ANKRD33B: variants seen among roughly 807,000 people sequenced by gnomAD.
The protein encoded by ANKRD33B is ankyrin repeat domain-containing protein 33B.
In ANKRD33B, 6 loss-of-function variants were observed where a neutral mutation model predicts 21.5. The ratio of observed to expected loss-of-function variants is 0.28; its 90% CI spans 0.15 to 0.55. The LOEUF is 0.55. Ranked by LOEUF, ANKRD33B falls within the 20% of genes least tolerant of loss-of-function variation. The probability of loss-of-function intolerance (pLI) is 0.94; values close to 1 mark genes in which losing one functional copy is unlikely to be tolerated. For synonymous variants in ANKRD33B, 347 were observed against 342.4 expected (o/e 1.01, Z -0.15); for missense variants, 698 against 747.2 (o/e 0.93, Z 0.77).
chr5:10,639,537 G>A (rs1464651170), intron 3 of ANKRD33B, among the ~76,000 whole-genome samples: 2 of 28,322 alleles, frequency 7.1e-5, no homozygotes, highest in East Asian at 1.5e-3. Context: ...GATGTTAGGC[G>A]GTGACGTGGA....
At chr5:10,613,063 A>G (rs1407692765) in intron 1 of ANKRD33B, among the ~76,000 whole-genome samples, 1 of 152,018 alleles carries the variant, frequency 6.6e-6, no homozygotes, top group African/African-American at 2.4e-5. Context: ...GGGCATCAGG[A>G]TGATGGCTCC....
At chr5:10,637,052 G>A (rs546947141) in intron 2 of ANKRD33B, among the ~76,000 whole-genome samples, 12 of 152,360 alleles carry the variant, frequency 7.9e-5, no homozygotes, top group Admixed American at 7.8e-4. Flanking sequence ...ACTGTGCCAA[G>A]GCTGGGACGG....
At chr5:10,609,681 G>T (rs1314934918) in intron 1 of ANKRD33B, among the ~76,000 whole-genome samples, 1 of 152,170 alleles carries the variant, frequency 6.6e-6, no homozygotes, top group African/African-American at 2.4e-5. Flanking sequence ...GGCTGAGGTG[G>T]GCAGATCATT....
At chr5:10,595,195 G>A (rs1012701878) in intron 1 of ANKRD33B, among the ~76,000 whole-genome samples, 5 of 152,170 alleles carry the variant, frequency 3.3e-5, no homozygotes, top group African/African-American at 7.2e-5. Context: ...GGAGGGAGGA[G>A]GCCAGGTGGA....
rs573294176 is a variant in ANKRD33B at position 10,595,382 on chromosome 5, T to G, written c.367-22951T>G. Among the ~76,000 whole-genome samples the G allele has an allele frequency of 6.7e-3, 1,017 of 152,294 alleles. 3 individuals are homozygous for G. Among genetic ancestry groups the G allele is most frequent in the Non-Finnish European group, 0.011 (728 of 68,012 alleles). On this transcript the variant is annotated intron_variant, in intron 1 of 3. Coordinates refer to ENST00000296657, the MANE Select transcript of ANKRD33B (RefSeq NM_001164440.2). Reference sequence around the variant, plus strand: ...GGTGACAGCAGGGCCACGCTCCCTCTGGCAGAGCTGGGAATTCTGCGGTCT... The same window carrying G: ...GGTGACAGCAGGGCCACGCTCCCTCGGGCAGAGCTGGGAATTCTGCGGTCT...
In ANKRD33B at chr5:10,649,353, T is replaced by G. The variant is rs543188983; in HGVS notation, c.725T>G (p.Leu242Arg). 1 of 1,535,498 alleles carries G rather than the reference T, an allele frequency of 6.5e-7. No individual in the cohort carries two copies. Among genetic ancestry groups the G allele is most frequent in the East Asian group, 2.4e-5 (1 of 40,904 alleles). ...TYTGRVDAVR[L>R]MQRLLERPCP... ...ACGGGCCGCGTGGATGCCGTCCGTC[T>G]CATGCAGAGGCTGCTGGAGCGCCCC... is the stretch of plus-strand genomic sequence containing the variant. Residue 242 changes from leucine to arginine, a missense_variant, in exon 4 of 4, where the codon CTC becomes CGC. Around this residue, in one of 3 missense-constraint regions of ANKRD33B, gnomAD observed 543 missense variants for 566.5 expected, o/e 0.96. Coordinates refer to ENST00000296657, the MANE Select transcript of ANKRD33B (RefSeq NM_001164440.2).
At chr5:10,618,170 C>T (rs777645882) in intron 1 of ANKRD33B, among the ~76,000 whole-genome samples, 163 bp from the exon 2 acceptor site, 62 of 152,140 alleles carry the variant, frequency 4.1e-4, no homozygotes, top group African/African-American at 1.5e-3. Flanking sequence ...AAGGATCGAG[C>T]GGCTGGCTCA....
At chr5:10,614,295 T>C (rs1736237484) in intron 1 of ANKRD33B, among the ~76,000 whole-genome samples, 1 of 152,222 alleles carries the variant, frequency 6.6e-6, no homozygotes, top group Non-Finnish European at 1.5e-5. Flanking sequence ...GATTTAAATA[T>C]CAGTCTCATT....
chr5:10,650,189 G>C lies in ANKRD33B; in HGVS notation c.*76G>C. 2.9e-6 allele frequency: 4 copies of C among 1,372,838 alleles called. No individual in the cohort carries two copies. The highest frequency in any genetic ancestry group is 3.8e-6 in the Non-Finnish European group (4 of 1,061,722). 85.0% of individuals were successfully genotyped at this position (1,372,838 alleles called of 1,614,324 possible). On this transcript the variant is annotated 3_prime_UTR_variant, in exon 4 of 4. Transcript: ENST00000296657. ...CAGGGCTGGGCGCGGAGAAGGAGGC[G>C]GCCCCGTTGCGCATCGCACCACTTC...
intron 2 of ANKRD33B, among the ~76,000 whole-genome samples, chr5:10,623,205 G>T (rs1736464316): frequency 6.6e-6 from 1 of 152,102 alleles, no homozygotes; most frequent in South Asian, 2.1e-4. Context: ...GGCATCAGTG[G>T]GTCTCAAAGC....
chr5:10,567,956 G>A (rs1241805799), intron 1 of ANKRD33B, among the ~76,000 whole-genome samples: 1 of 152,218 alleles, frequency 6.6e-6, no homozygotes, highest in African/African-American at 2.4e-5. Flanking sequence ...GATCTCTAAA[G>A]GCGTCTAAAC....
rs765486526 is a variant in ANKRD33B at position 10,576,860 on chromosome 5, A to G, written c.366+12027A>G. On this transcript the variant is annotated intron_variant, in intron 1 of 3. Transcript: ENST00000296657. The surrounding 1 kb of genome is among the most constrained non-coding windows in gnomAD (Gnocchi z 4.1). ...GCCAGTGCCATGGGGAGAAGCCCAG[A>G]AGAGAGCAGAGGAGGGTGCTGGGGC... Among the ~76,000 whole-genome samples the G allele has an allele frequency of 2.0e-5, 3 of 152,182 alleles. No individual in the cohort carries two copies. Among genetic ancestry groups the G allele is most frequent in the Non-Finnish European group, 4.4e-5 (3 of 68,028 alleles).
In ANKRD33B at chr5:10,649,884, C is replaced by T. The variant is rs1442618625; in HGVS notation, c.1256C>T (p.Pro419Leu). The T allele has an allele frequency of 6.7e-7, 1 of 1,503,498 alleles. No individual in the cohort carries two copies. Among genetic ancestry groups the T allele is most frequent in the African/African-American group, 1.4e-5 (1 of 69,340 alleles). 93.1% of individuals were successfully genotyped at this position (1,503,498 alleles called of 1,614,324 possible). ...CGCCTGCGGCGGAGAAGCGTGCGGCCCGGTGTGGTGGTGCCCCGGGTCCGA... is the reference window on the plus strand; with the variant it reads ...CGCCTGCGGCGGAGAAGCGTGCGGCTCGGTGTGGTGGTGCCCCGGGTCCGA... ...LQRLRRRSVR[P>L]GVVVPRVRVS... The change falls in exon 4 of 4, where the codon CCC (proline) becomes CTC (leucine). Residue 419 changes from proline to leucine, a missense_variant. Pro to Leu is a moderately conservative substitution (Grantham distance 98). Coordinates refer to ENST00000296657, the MANE Select transcript of ANKRD33B (RefSeq NM_001164440.2).
chr5:10,584,654 G>C (rs1735514923), intron 1 of ANKRD33B, among the ~76,000 whole-genome samples: 1 of 152,142 alleles, frequency 6.6e-6, no homozygotes, highest in South Asian at 2.1e-4. Context: ...TATTTATTTA[G>C]CAAATATTTA....
At chr5:10,570,942 G>T (rs1735170687) in intron 1 of ANKRD33B, among the ~76,000 whole-genome samples, 1 of 130,202 alleles carries the variant, frequency 7.7e-6, no homozygotes, top group African/African-American at 3.1e-5. Context: ...ACTCATTAAA[G>T]AAGAGAAAAC....
chr5:10,597,629 C>G (rs962829468), intron 1 of ANKRD33B, among the ~76,000 whole-genome samples: 1 of 152,116 alleles, frequency 6.6e-6, no homozygotes, highest in Admixed American at 6.5e-5. Flanking sequence ...ATTAGATCAT[C>G]AAGACAGAAA....
chr5:10,643,819 CAA>C (rs374365829), intron 3 of ANKRD33B, among the ~76,000 whole-genome samples: 3,166 of 89,438 alleles, frequency 0.035, 64 homozygotes, highest in African/African-American at 0.12. Flanking sequence ...GACTCTGTCT[CAA>C]AAAAAAAAAA....
chr5:10,651,747 C>G lies in ANKRD33B; in HGVS notation c.*1634C>G, dbSNP rs1579764863. The G allele has an allele frequency of 1.3e-5, 2 of 152,560 alleles. No individual in the cohort carries two copies. Among genetic ancestry groups the G allele is most frequent in the South Asian group, 2.1e-4 (1 of 4,826 alleles). 9.5% of individuals were successfully genotyped at this position (152,560 alleles called of 1,614,324 possible). ...AGGATGCAGGCAGGGCTGGTGCAGG[C>G]TTCTCCATACTCCCTTCCACTTGGC... On this transcript the variant is annotated 3_prime_UTR_variant, in exon 4 of 4. Transcript: ENST00000296657.
intron 2 of ANKRD33B, among the ~76,000 whole-genome samples, chr5:10,620,128 G>A (rs1441108392): frequency 4.6e-5 from 7 of 152,250 alleles, no homozygotes; most frequent in South Asian, 2.1e-4. Context: ...GTGAGGCTGC[G>A]TGAGTGGTGA....
Sources: gnomAD v4.1 joint callset for allele counts (sites outside exome capture counted in the v4.1 genomes callset) on GRCh38, gnomAD v4.1.1 for gene constraint, gnomAD v4.1.1 regional missense constraint, Gnocchi (gnomAD v3.1) non-coding constraint, MANE v1.5 for transcripts, NCBI Gene and HGNC (gene_info 2026-07-23, HGNC 2026-07-21) for gene names.